Variants in SCAF8 observed in about 807,000 individuals in gnomAD.
SCAF8 encodes SR-related CTD associated factor 8, also known as SR-related and CTD-associated factor 8.
In SCAF8, 23 loss-of-function variants were observed where a neutral mutation model predicts 140.5. That is an observed-to-expected ratio of 0.16 (90% CI 0.12 to 0.23). The LOEUF is 0.23. SCAF8 is among the 10% of genes least tolerant of loss of function. The pLI is 1.00. For synonymous variants in SCAF8, 575 were observed against 528.9 expected (o/e 1.09, Z -1.20); for missense variants, 1,397 against 1,555.7 (o/e 0.90, Z 1.72).
intron 1 of SCAF8, among the ~76,000 whole-genome samples, chr6:154,772,815 A>G (rs1252170518): frequency 6.6e-6 from 1 of 152,044 alleles, no homozygotes; most frequent in Non-Finnish European, 1.5e-5. Flanking sequence ...GCTGGAGTGT[A>G]GTAGTGCAAT....
At chr6:154,825,836 A>G (rs931380063) in intron 17 of SCAF8, among the ~76,000 whole-genome samples, 14 of 152,056 alleles carry the variant, frequency 9.2e-5, no homozygotes, top group African/African-American at 3.1e-4. Context: ...CTTAAACTAT[A>G]TAAGCAATTA....
rs185993869 is a variant in SCAF8, at chr6:154,768,336, T to C, written c.31-5653T>C. 3.6e-3 allele frequency among the ~76,000 whole-genome samples: 555 copies of C among 152,356 alleles called. 3 individuals carry two copies. The highest frequency in any genetic ancestry group is 0.013 in the African/African-American group (529 of 41,578). On this transcript the variant is annotated intron_variant, in intron 1 of 19. Coordinates refer to ENST00000367178, the MANE Select transcript of SCAF8 (RefSeq NM_014892.5). ...TCTGTGGTGGTATTCAAGGTTCATG[T>C]TACTCCACTAAACATAATGAAAAAC... is the stretch of plus-strand genomic sequence containing the variant.
At chr6:154,746,338 C>T (rs982737381) in intron 1 of SCAF8, among the ~76,000 whole-genome samples, 1 of 152,158 alleles carries the variant, frequency 6.6e-6, no homozygotes, top group African/African-American at 2.4e-5. Context: ...TAACTCCCAC[C>T]AGCCTGGGAA....
chr6:154,773,916 TG>T, intron 1 of SCAF8, 72 bp from the exon 2 acceptor site: 1 of 937,086 alleles, frequency 1.1e-6, no homozygotes. Context: ...AATATAAAAA[TG>T]AACATGTTTG....
At chr6:154,789,694 T>A (rs1777358904) in intron 4 of SCAF8, among the ~76,000 whole-genome samples, 1 of 151,970 alleles carries the variant, frequency 6.6e-6, no homozygotes, top group African/African-American at 2.4e-5. Context: ...TACAGGCTTA[T>A]GCCACCCTGC....
chr6:154,831,703 TAAAAAAAAA>T (rs58013583), intron 19 of SCAF8, among the ~76,000 whole-genome samples: 1,368 of 47,878 alleles, frequency 0.029, 22 homozygotes, highest in Middle Eastern at 0.032. Flanking sequence ...CTCCTGTTCT[TAAAAAAAAA>T]AAAAAAAAAA....
At chr6:154,767,639 A>G (rs1214971382) in intron 1 of SCAF8, among the ~76,000 whole-genome samples, 3 of 149,218 alleles carry the variant, frequency 2.0e-5, no homozygotes, top group Non-Finnish European at 4.4e-5. Context: ...TCCTGGGCTC[A>G]AGTGATCCTC....
At chr6:154,802,809 A>T (rs369757069) in intron 7 of SCAF8, among the ~76,000 whole-genome samples, 46 of 152,290 alleles carry the variant, frequency 3.0e-4, no homozygotes, top group Middle Eastern at 3.4e-3. Flanking sequence ...ACCTGCAAAA[A>T]TTAAAATTCT....
chr6:154,798,518 T>C (rs886691536), intron 6 of SCAF8, among the ~76,000 whole-genome samples: 1 of 151,434 alleles, frequency 6.6e-6, no homozygotes, highest in African/African-American at 2.4e-5. Context: ...TTCTTCCCTT[T>C]GTTCTTCATA....
intron 1 of SCAF8, among the ~76,000 whole-genome samples, chr6:154,770,301 AAC>A (rs139254863): frequency 6.6e-5 from 10 of 151,118 alleles, no homozygotes; most frequent in African/African-American, 1.5e-4. Flanking sequence ...AAAAAAAGAA[AAC>A]ACACACACAC....
At chr6:154,795,366 A>G (rs1229430491) in intron 6 of SCAF8, among the ~76,000 whole-genome samples, 1 of 152,200 alleles carries the variant, frequency 6.6e-6, no homozygotes, top group Non-Finnish European at 1.5e-5. Flanking sequence ...AAAATACGGA[A>G]TTAGCACATA....
At chr6:154,812,530 ATC>A (rs1433799797) in intron 12 of SCAF8, among the ~76,000 whole-genome samples, 1 of 152,040 alleles carries the variant, frequency 6.6e-6, no homozygotes, top group African/African-American at 2.4e-5. Context: ...GTGAAAAATA[ATC>A]TCTGATTGTT....
intron 12 of SCAF8, among the ~76,000 whole-genome samples, chr6:154,814,434 A>G (rs1778187852): frequency 6.6e-6 from 1 of 152,222 alleles, no homozygotes. Flanking sequence ...CAGGGAAAGA[A>G]CAATGACCAG....
chr6:154,775,328 T>C (rs10872710), intron 2 of SCAF8, among the ~76,000 whole-genome samples: 92,053 of 152,076 alleles, frequency 0.61, 30,570 homozygotes, highest in East Asian at 0.91. Context: ...GATAGGCTCA[T>C]TGTGGAATAA....
intron 1 of SCAF8, among the ~76,000 whole-genome samples, chr6:154,755,108 ATTC>A (rs1323193932): frequency 1.3e-5 from 2 of 152,208 alleles, no homozygotes; most frequent in Admixed American, 1.3e-4. Context: ...CATCCTTCTC[ATTC>A]TTTTTATTCT....
chr6:154,808,270 A>C, intron 10 of SCAF8, 69 bp downstream of exon 10: 1 of 1,397,600 alleles, frequency 7.2e-7, no homozygotes, highest in Non-Finnish European at 1.0e-6. Flanking sequence ...AATATTTTAT[A>C]CTAGCAGTGC....
intron 6 of SCAF8, among the ~76,000 whole-genome samples, chr6:154,801,617 A>G (rs1195413480): frequency 1.3e-5 from 2 of 151,496 alleles, no homozygotes; most frequent in Admixed American, 6.6e-5. Context: ...AATAACAGCA[A>G]AAGCTGCTGC....
chr6:154,793,013 T>C (rs768052772), intron 5 of SCAF8, 37 bp downstream of exon 5: 6 of 1,523,496 alleles, frequency 3.9e-6, no homozygotes, highest in Non-Finnish European at 5.3e-6. Context: ...GTCTAAATAT[T>C]CTACTCATAC....
chr6:154,790,489 A>ATTTTTTTTTTTTTTTTT lies in SCAF8; in HGVS notation c.322-2311_322-2295dup, dbSNP rs57095332. ...TTGTAAAACATATACATTTAACAGA[A>ATTTTTTTTTTTTTTTTT]TTTTTTTTTTTTTTTTTTTTTTTTT... On this transcript the variant is annotated intron_variant, in intron 4 of 19. Coordinates refer to ENST00000367178, the MANE Select transcript of SCAF8 (RefSeq NM_014892.5). Among the ~76,000 whole-genome samples the ATTTTTTTTTTTTTTTTT allele has an allele frequency of 2.8e-4, 20 of 70,880 alleles. 3 individuals carry two copies. Among genetic ancestry groups the ATTTTTTTTTTTTTTTTT allele is most frequent in the Non-Finnish European group, 4.5e-4 (17 of 37,998 alleles). The allele number at this position is 70,880 out of a possible 152,430, so 46.5% of individuals were successfully genotyped here. A position where few individuals can be genotyped will look rare whatever the true frequency, so the allele number is the denominator to read the frequency against.
Sources: allele counts gnomAD v4.1 joint callset (sites outside exome capture counted in the v4.1 genomes callset), GRCh38; gene constraint gnomAD v4.1.1; transcripts MANE v1.5; gene names NCBI Gene and HGNC (gene_info 2026-07-23, HGNC 2026-07-21).